Variants in TMEM131 observed in about 807,000 individuals in gnomAD.
TMEM131 encodes transmembrane protein 131, also known as 2610524E03Rik.
A neutral mutation model predicts 211.6 loss-of-function variants in TMEM131; 66 were observed. That is an observed-to-expected ratio of 0.31 (90% CI 0.26 to 0.38). The LOEUF is 0.38. TMEM131 is among the 10% of genes least tolerant of loss of function. TMEM131 has a pLI of 1.00. For missense variants in TMEM131, 2,036 were observed against 2,299.3 expected, an observed-to-expected ratio of 0.89 and a Z score of 2.34; for synonymous variants, 844 against 841.3, an observed-to-expected ratio of 1.00 and a Z score of -0.06.
At chr2:97,765,450 G>C (rs184649453) in intron 35 of TMEM131, 1 of 152,564 alleles carries the variant, frequency 6.6e-6, no homozygotes. Flanking sequence ...TGGTGAGTGC[G>C]GACCAATCAG....
Position 97,957,259 on chromosome 2 carries a change from A to T in TMEM131, c.188-29772T>A, listed in dbSNP as rs147185341. ...CAATAATGTTTACATAAAAACAAAA[A>T]GCAAAGAAACAAAAATTTTGTTGTG... is the stretch of plus-strand genomic sequence containing the variant. On this transcript the variant is annotated intron_variant, in intron 1 of 40. Coordinates refer to ENST00000186436, the MANE Select transcript of TMEM131 (RefSeq NM_015348.2). Among the ~76,000 whole-genome samples the T allele has an allele frequency of 4.0e-3, 616 of 152,344 alleles. 5 individuals are homozygous for T. The highest frequency in any genetic ancestry group is 0.014 in the African/African-American group (576 of 41,572).
chr2:97,760,769 G>A (rs751113092), intron 37 of TMEM131, 24 bp downstream of exon 37: 10 of 1,613,748 alleles, frequency 6.2e-6, no homozygotes, highest in Non-Finnish European at 8.5e-6. Flanking sequence ...TGGCGTGGCA[G>A]GTCTCTGAAG....
rs1276366194 is a variant in TMEM131 at position 97,892,178 on chromosome 2, T to C, written c.291-4058A>G. ...CATTTACTTGGTGTACAATTAGGTATCTTTTGTAAACGTCTGTGGAAAGTT... is the reference window on the plus strand; with the variant it reads ...CATTTACTTGGTGTACAATTAGGTACCTTTTGTAAACGTCTGTGGAAAGTT... On this transcript the variant is annotated intron_variant, in intron 3 of 40. Transcript: ENST00000186436. 4.6e-5 allele frequency among the ~76,000 whole-genome samples: 7 copies of C among 152,222 alleles called. 1 individual carries two copies. The highest frequency in any genetic ancestry group is 2.6e-4 in the Admixed American group (4 of 15,280).
chr2:97,818,866 T>C, intron 11 of TMEM131, 145 bp from the exon 12 acceptor site: 1 of 536,940 alleles, frequency 1.9e-6, no homozygotes, highest in Non-Finnish European at 3.3e-6. Context: ...TTAAATGGAG[T>C]AGGCCACACT....
chr2:97,777,977 G>GA (rs1272640458), intron 31 of TMEM131, among the ~76,000 whole-genome samples: 3 of 152,180 alleles, frequency 2.0e-5, no homozygotes, highest in Admixed American at 2.0e-4. Flanking sequence ...CTTACATTCT[G>GA]AGAGTTCAAC....
At chr2:97,825,834 T>C (rs1682356698) in intron 11 of TMEM131, among the ~76,000 whole-genome samples, 1 of 152,170 alleles carries the variant, frequency 6.6e-6, no homozygotes, top group Non-Finnish European at 1.5e-5. Flanking sequence ...TCAGAGGCTA[T>C]CAAAATAATA....
At chr2:97,822,039 T>A (rs1263547863) in intron 11 of TMEM131, among the ~76,000 whole-genome samples, 1 of 152,142 alleles carries the variant, frequency 6.6e-6, no homozygotes, top group African/African-American at 2.4e-5. Context: ...ATCCTATCTA[T>A]CCTGACCCTT....
rs1266859462 is a variant in TMEM131, at chr2:97,793,467, G to A, written c.3473C>T (p.Ala1158Val). ...EPFRRRLSFE[A>V]SNPPFDVGRP... ...TCCCACATCGAAGGGCGGGTTCGAG[G>A]CCTCAAAGGATAGCCGCCTTCGAAA... The change falls in exon 30 of 41, where the codon GCC becomes GTC. Residue 1158 changes from alanine to valine, a missense_variant. Physicochemically the swap from Ala to Val is moderately conservative, Grantham distance 64 (BLOSUM62 0). This residue lies in a region of TMEM131 where 1,623 missense variants were observed against 1,805.9 expected (regional missense o/e 0.90). Transcript: ENST00000186436. The A allele has an allele frequency of 1.2e-6, 2 of 1,613,960 alleles. No individual in the cohort carries two copies. The highest frequency in any genetic ancestry group is 1.7e-5 in the Admixed American group (1 of 60,010).
intron 11 of TMEM131, among the ~76,000 whole-genome samples, chr2:97,830,132 TAA>T (rs60531384): frequency 9.4e-4 from 68 of 72,316 alleles, no homozygotes; most frequent in African/African-American, 3.2e-3. Flanking sequence ...CATTATCAGT[TAA>T]AAAAAAAAAA....
chr2:97,791,269 T>C (rs1680486158), intron 31 of TMEM131, among the ~76,000 whole-genome samples: 1 of 152,256 alleles, frequency 6.6e-6, no homozygotes, highest in East Asian at 1.9e-4. Context: ...TCTTGGTATT[T>C]ATGCCCTTGC....
Position 97,859,436 on chromosome 2 carries a change from C to A in TMEM131, c.360-9G>T, listed in dbSNP as rs750600330. 2 of 1,531,504 alleles carry A rather than the reference C, an allele frequency of 1.3e-6. No individual in the cohort carries two copies. Among genetic ancestry groups the A allele is most frequent in the Admixed American group, 2.5e-5 (1 of 40,602 alleles). The allele number at this position is 1,531,504 out of a possible 1,614,324, so 94.9% of individuals were successfully genotyped here. A position where few individuals can be genotyped will look rare whatever the true frequency, so the allele number is the denominator to read the frequency against. The stretch of plus-strand genomic sequence containing the variant: ...TTGGCATTCCAACTGGTCTGTAAAA[C>A]AAAAAGAAAATTATCACAAATATTT... On this transcript the variant is annotated splice_polypyrimidine_tract_variant and intron_variant, in intron 4 of 40. Coordinates refer to ENST00000186436, the MANE Select transcript of TMEM131 (RefSeq NM_015348.2).
intron 11 of TMEM131, chr2:97,827,312 C>A: frequency 2.5e-6 from 2 of 787,508 alleles, no homozygotes; most frequent in South Asian, 1.3e-5. Context: ...AGGAGATCGG[C>A]GCGGTTGTCA....
intron 3 of TMEM131, among the ~76,000 whole-genome samples, chr2:97,903,343 C>T (rs1371849199): frequency 1.3e-5 from 2 of 152,036 alleles, no homozygotes; most frequent in Non-Finnish European, 2.9e-5. Context: ...TGAACTGTGA[C>T]CTCAATCTTA....
intron 1 of TMEM131, among the ~76,000 whole-genome samples, chr2:97,979,249 AT>A (rs1467834824): frequency 6.6e-6 from 1 of 152,150 alleles, no homozygotes; most frequent in African/African-American, 2.4e-5. Flanking sequence ...GGTCCCTAGA[AT>A]TTTTTCAGCA....
rs1677848866 is a variant in TMEM131, at chr2:97,943,040, AG to A, written c.188-15554del. Among the ~76,000 whole-genome samples the A allele has an allele frequency of 6.6e-5, 3 of 45,174 alleles. No homozygotes were observed. In the Admixed American group the frequency reaches 7.2e-4, roughly 11 times the overall value. The allele number at this position is 45,174 out of a possible 152,430, so 29.6% of individuals were successfully genotyped here. Reference sequence around the variant, plus strand: ...AGAAAAGAAAAGAAAAGAAAAGAAAAGAAAGAAAGAAAGAAAGAAAGAAAGA... The same window carrying A: ...AGAAAAGAAAAGAAAAGAAAAGAAAAAAAGAAAGAAAGAAAGAAAGAAAGA... On this transcript the variant is annotated intron_variant, in intron 1 of 40. Transcript: ENST00000186436.
chr2:97,875,159 G>A (rs1455878380), intron 4 of TMEM131, among the ~76,000 whole-genome samples: 1 of 152,128 alleles, frequency 6.6e-6, no homozygotes, highest in Non-Finnish European at 1.5e-5. Flanking sequence ...GCAACAAGAA[G>A]AGCTAACTAT....
chr2:97,948,694 G>T (rs1678163043), intron 1 of TMEM131, among the ~76,000 whole-genome samples: 1 of 151,886 alleles, frequency 6.6e-6, no homozygotes, highest in African/African-American at 2.4e-5. Flanking sequence ...GCCTCGCGCT[G>T]TCGCCCAGGC....
At chr2:97,826,024 T>C (rs540441595) in intron 11 of TMEM131, among the ~76,000 whole-genome samples, 3 of 152,338 alleles carry the variant, frequency 2.0e-5, no homozygotes, top group African/African-American at 7.2e-5. Context: ...TCCCAGAGGA[T>C]GGGGAACCAA....
intron 5 of TMEM131, among the ~76,000 whole-genome samples, chr2:97,846,743 T>C (rs1683456276): frequency 1.3e-5 from 2 of 152,154 alleles, no homozygotes; most frequent in Non-Finnish European, 2.9e-5. Context: ...CTTCTTCCAA[T>C]GTGCCCCAGG....
Sources: allele counts gnomAD v4.1 joint callset (sites outside exome capture counted in the v4.1 genomes callset), GRCh38; gene constraint gnomAD v4.1.1; regional missense constraint gnomAD v4.1.1; transcripts MANE v1.5; gene names NCBI Gene and HGNC (gene_info 2026-07-23, HGNC 2026-07-21).